ANKFN1: variants seen among roughly 807,000 people sequenced by gnomAD.
ANKFN1 encodes the protein ankyrin repeat and fibronectin type III domain containing 1.
Under a neutral mutation model 108.7 loss-of-function variants are expected in ANKFN1, and 74 were observed. The observed-to-expected ratio is 0.68, with a 90% CI of 0.56 to 0.83. The LOEUF is 0.83. Ranked by LOEUF, ANKFN1 falls within the 40% of genes least tolerant of loss-of-function variation. The probability of loss-of-function intolerance (pLI) is 0.00; values close to 1 mark genes in which losing one functional copy is unlikely to be tolerated. For synonymous variants in ANKFN1, 547 were observed against 516.2 expected, an observed-to-expected ratio of 1.06 and a Z score of -0.81; for missense variants, 1,505 against 1,382.3, an observed-to-expected ratio of 1.09 and a Z score of -1.41.
chr17:56,455,136 C>G (rs1455884819), intron 11 of ANKFN1, among the ~76,000 whole-genome samples: 2 of 152,182 alleles, frequency 1.3e-5, no homozygotes, highest in Non-Finnish European at 2.9e-5. Context: ...TCATCCATCT[C>G]AAGTCTTAAA....
intron 4 of ANKFN1, among the ~76,000 whole-genome samples, chr17:56,131,308 G>A (rs150988036): frequency 6.6e-6 from 1 of 152,206 alleles, no homozygotes; most frequent in Non-Finnish European, 1.5e-5. Flanking sequence ...TGTGTAAATG[G>A]AGAATATTCA....
intron 3 of ANKFN1, among the ~76,000 whole-genome samples, chr17:56,262,656 C>T (rs1346144859): frequency 2.0e-5 from 3 of 152,200 alleles, no homozygotes; most frequent in Non-Finnish European, 4.4e-5. Context: ...GCAGACATAG[C>T]TCTGGCAAAT....
rs2051785457 is a variant in ANKFN1 at position 56,511,884 on chromosome 17, G to C, written c.*615G>C. Among the ~76,000 whole-genome samples the C allele has an allele frequency of 6.6e-6, 1 of 152,158 alleles. No individual in the cohort carries two copies. ...GTACTTATCTGATTAAATAGGCCTT[G>C]ACAGGCCTTTTTTTCTTCGTATAGT... On this transcript the variant is annotated 3_prime_UTR_variant, in exon 21 of 21. Coordinates refer to ENST00000682825, the MANE Select transcript of ANKFN1 (RefSeq NM_001370326.1).
At chr17:56,327,537 G>A (rs1443557165) in intron 4 of ANKFN1, among the ~76,000 whole-genome samples, 3 of 152,132 alleles carry the variant, frequency 2.0e-5, no homozygotes, top group Non-Finnish European at 4.4e-5. Flanking sequence ...TTGCCTGGTG[G>A]AAAGGATCTC....
chr17:56,100,918 T>C (rs1038074426), intron 4 of ANKFN1, among the ~76,000 whole-genome samples: 1 of 152,232 alleles, frequency 6.6e-6, no homozygotes, highest in African/African-American at 2.4e-5. Flanking sequence ...ATTGTTATTA[T>C]GGGCTGACTG....
chr17:56,335,814 C>G (rs1185618588), intron 4 of ANKFN1, among the ~76,000 whole-genome samples: 5 of 152,138 alleles, frequency 3.3e-5, no homozygotes, highest in Non-Finnish European at 7.4e-5. Flanking sequence ...GGGAGGGCTT[C>G]CAGTTTCTGC....
intron 3 of ANKFN1, among the ~76,000 whole-genome samples, chr17:56,276,338 A>T (rs1299742405): frequency 6.6e-6 from 1 of 152,204 alleles, no homozygotes. Context: ...TTATAGTAGC[A>T]TGATTGATAA....
At chr17:56,390,812 T>C (rs1454685361) in intron 8 of ANKFN1, among the ~76,000 whole-genome samples, 1 of 152,186 alleles carries the variant, frequency 6.6e-6, no homozygotes, top group African/African-American at 2.4e-5. Context: ...GATGAGCTTT[T>C]TTTCATATGT....
intron 8 of ANKFN1, among the ~76,000 whole-genome samples, chr17:56,423,031 T>C (rs2048459183): frequency 6.6e-6 from 1 of 152,204 alleles, no homozygotes; most frequent in Non-Finnish European, 1.5e-5. Flanking sequence ...ACTCAAACTT[T>C]TGTCAACACC....
intron 8 of ANKFN1, among the ~76,000 whole-genome samples, chr17:56,398,571 A>C (rs2047657256): frequency 6.6e-6 from 1 of 152,184 alleles, no homozygotes; most frequent in Non-Finnish European, 1.5e-5. Flanking sequence ...CCAAAAGTTA[A>C]ATAAAGCTGA....
At chr17:56,490,943 A>T (rs2051016539) in intron 18 of ANKFN1, among the ~76,000 whole-genome samples, 1 of 151,636 alleles carries the variant, frequency 6.6e-6, no homozygotes, top group Admixed American at 6.6e-5. Flanking sequence ...GAGAAAAAAA[A>T]GCAAGGAAGT....
chr17:56,444,936 C>T (rs1433970718), intron 10 of ANKFN1, among the ~76,000 whole-genome samples: 2 of 152,132 alleles, frequency 1.3e-5, no homozygotes, highest in Non-Finnish European at 1.5e-5. Context: ...CCATCTCTGG[C>T]AGATTCAGAT....
At chr17:56,464,408 T>C (rs1360814299) in intron 14 of ANKFN1, among the ~76,000 whole-genome samples, 1 of 152,108 alleles carries the variant, frequency 6.6e-6, no homozygotes, top group African/African-American at 2.4e-5. Context: ...GTCCTTTCCA[T>C]GGGCAGGCAC....
Position 56,440,424 on chromosome 17 carries a change from G to C in ANKFN1, c.1008G>C (p.Met336Ile), listed in dbSNP as rs1380800158. Residue 336 changes from methionine (M) to isoleucine (I), a missense_variant and splice_region_variant, in exon 9 of 21, where the codon ATG becomes ATC. Coordinates refer to ENST00000682825, the MANE Select transcript of ANKFN1 (RefSeq NM_001370326.1). Reference protein sequence around the residue: ...TLRCTITGLTMGQQYFVQVSA... With the variant: ...TLRCTITGLTIGQQYFVQVSA... ...GATGCACAATCACAGGACTTACAAT[G>C]GTAAATGTCCCCAGTAGACTTTTCA... 6.2e-7 allele frequency: 1 copy of C among 1,605,196 alleles called. No individual in the cohort carries two copies. The highest frequency in any genetic ancestry group is 1.3e-5 in the African/African-American group (1 of 74,672).
intron 1 of ANKFN1, among the ~76,000 whole-genome samples, chr17:56,166,662 G>A (rs1367004904): frequency 6.6e-6 from 1 of 152,114 alleles, no homozygotes; most frequent in African/African-American, 2.4e-5. Flanking sequence ...TTCAGTCACA[G>A]TTTTCAGTCA....
intron 4 of ANKFN1, among the ~76,000 whole-genome samples, chr17:56,053,505 A>G (rs1904813590): frequency 6.6e-6 from 1 of 152,204 alleles, no homozygotes; most frequent in African/African-American, 2.4e-5. Flanking sequence ...TTATGGCTAA[A>G]TAGTACTCCA....
chr17:56,236,546 C>T (rs1371251562), intron 3 of ANKFN1, among the ~76,000 whole-genome samples: 1 of 152,048 alleles, frequency 6.6e-6, no homozygotes, highest in Non-Finnish European at 1.5e-5. Flanking sequence ...ATTTTGTATC[C>T]TGAAACTTTG....
At chr17:56,222,739 A>G (rs1915976302) in intron 2 of ANKFN1, among the ~76,000 whole-genome samples, 2 of 152,224 alleles carry the variant, frequency 1.3e-5, no homozygotes, top group African/African-American at 4.8e-5. Flanking sequence ...AAAAATACAC[A>G]TAGAGGACAC....
intron 1 of ANKFN1, among the ~76,000 whole-genome samples, chr17:56,174,798 C>A (rs1910986789): frequency 6.6e-6 from 1 of 152,202 alleles, no homozygotes; most frequent in Non-Finnish European, 1.5e-5. Context: ...TTCCCTTCAT[C>A]TTTCCCCTCC....
Sources: allele counts gnomAD v4.1 joint callset (sites outside exome capture counted in the v4.1 genomes callset), GRCh38; gene constraint gnomAD v4.1.1; transcripts MANE v1.5; gene names NCBI Gene and HGNC (gene_info 2026-07-23, HGNC 2026-07-21).